CHMP4B: variants seen among roughly 807,000 people sequenced by gnomAD.
The protein encoded by CHMP4B is charged multivesicular body protein 4B, also known as SNF7 homolog associated with Alix 1.
CHMP4B carries 1 observed loss-of-function variant against 25.1 expected under a neutral mutation model. The observed-to-expected ratio is 0.04, with a 90% CI of 0.01 to 0.19. The LOEUF (loss-of-function observed/expected upper bound fraction) is 0.19. Among genes scored for constraint, CHMP4B ranks in the 10% least tolerant of loss-of-function variants. The probability of loss-of-function intolerance (pLI) is 1.00; values close to 1 mark genes in which losing one functional copy is unlikely to be tolerated. For synonymous variants in CHMP4B, 101 were observed against 115.6 expected (o/e 0.87, Z 0.81); for missense variants, 151 against 289.7 (o/e 0.52, Z 3.48).
intron 1 of CHMP4B, among the ~76,000 whole-genome samples, chr20:33,828,099 C>T (rs1338461267): frequency 6.6e-6 from 1 of 152,188 alleles, no homozygotes; most frequent in Non-Finnish European, 1.5e-5. Flanking sequence ...CCCTTTAAAA[C>T]CTCAAGTCTC....
intron 1 of CHMP4B, among the ~76,000 whole-genome samples, chr20:33,816,931 T>G (rs1978798508): frequency 6.6e-6 from 1 of 152,244 alleles, no homozygotes; most frequent in Admixed American, 6.5e-5. Flanking sequence ...AAGAGATATA[T>G]CTTCATTAAG....
chr20:33,850,360 T>C (rs1436796088), intron 2 of CHMP4B, among the ~76,000 whole-genome samples: 3 of 152,236 alleles, frequency 2.0e-5, no homozygotes, highest in Non-Finnish European at 4.4e-5. Flanking sequence ...ATTTCTGTGT[T>C]CTCCTGGAAA....
chr20:33,839,417 A>G (rs1427360807), intron 1 of CHMP4B, among the ~76,000 whole-genome samples: 1 of 152,208 alleles, frequency 6.6e-6, no homozygotes, highest in Non-Finnish European at 1.5e-5. Flanking sequence ...TTTAAAACAG[A>G]AAAAAAGCTC....
At chr20:33,834,959 C>T (rs572263124) in intron 1 of CHMP4B, among the ~76,000 whole-genome samples, 4 of 152,052 alleles carry the variant, frequency 2.6e-5, no homozygotes, top group African/African-American at 9.7e-5. Flanking sequence ...CACGCCACCA[C>T]GCCCAGCTAA....
At chr20:33,845,764 C>T (rs998475158) in intron 1 of CHMP4B, among the ~76,000 whole-genome samples, 4 of 152,164 alleles carry the variant, frequency 2.6e-5, no homozygotes, top group South Asian at 4.1e-4. Flanking sequence ...TAGAGTATGT[C>T]TAGGGTATGG....
Position 33,853,773 on chromosome 20 carries a change from G to GGGGGGGGGGGGGGGT in CHMP4B, c.*213_*214insGGGGGGGGGGGGGGT. The GGGGGGGGGGGGGGGT allele has an allele frequency of 7.9e-5, 2 of 25,270 alleles. 1 individual carries two copies. Among genetic ancestry groups the GGGGGGGGGGGGGGGT allele is most frequent in the Non-Finnish European group, 1.5e-4 (2 of 13,100 alleles). 1.6% of individuals were successfully genotyped at this position (25,270 alleles called of 1,614,324 possible). ...GGGGGGAGGGGGGCGGGCGGGGTGG[G>GGGGGGGGGGGGGGGT]AAGTGCCTGCTGTTTATAATGTTGA... On this transcript the variant is annotated 3_prime_UTR_variant, in exon 5 of 5. Coordinates refer to ENST00000217402, the MANE Select transcript of CHMP4B (RefSeq NM_176812.5).
intron 1 of CHMP4B, among the ~76,000 whole-genome samples, chr20:33,834,662 A>G (rs190688372): frequency 1.3e-4 from 20 of 151,808 alleles, no homozygotes; most frequent in African/African-American, 4.6e-4. Context: ...TTGTGTTTTT[A>G]TTTTCATTCA....
intron 1 of CHMP4B, among the ~76,000 whole-genome samples, chr20:33,836,234 G>T (rs1979388491): frequency 6.6e-6 from 1 of 152,156 alleles, no homozygotes; most frequent in Admixed American, 6.5e-5. Flanking sequence ...ATAAATGGTA[G>T]ATTTTGATTA....
At chr20:33,844,284 G>T (rs1182225103) in intron 1 of CHMP4B, among the ~76,000 whole-genome samples, 1 of 152,190 alleles carries the variant, frequency 6.6e-6, no homozygotes, top group East Asian at 1.9e-4. Flanking sequence ...ATAAAATATG[G>T]GTGGATCCCC....
chr20:33,854,077 C>T lies in CHMP4B; in HGVS notation c.*517C>T. 5.1e-6 allele frequency: 1 copy of T among 197,250 alleles called. No homozygotes were observed. Among genetic ancestry groups the T allele is most frequent in the East Asian group, 1.3e-4 (1 of 7,896 alleles). The allele number at this position is 197,250 out of a possible 1,614,324, so 12.2% of individuals were successfully genotyped here. A position where few individuals can be genotyped will look rare whatever the true frequency, so the allele number is the denominator to read the frequency against. On this transcript the variant is annotated 3_prime_UTR_variant, in exon 5 of 5. Coordinates refer to ENST00000217402, the MANE Select transcript of CHMP4B (RefSeq NM_176812.5). ...ATTTCCTCCAGAGCTGTGTTTCTGTCCATCACCTGTGTATTGGCCCTGTGT... is the reference window on the plus strand; with the variant it reads ...ATTTCCTCCAGAGCTGTGTTTCTGTTCATCACCTGTGTATTGGCCCTGTGT...
At chr20:33,851,164 A>T (rs1979836838) in intron 3 of CHMP4B, 98 bp downstream of exon 3, 1 of 808,062 alleles carries the variant, frequency 1.2e-6, no homozygotes, top group Admixed American at 1.8e-5. Context: ...GAGCATTTGG[A>T]CTTGGACAGA....
intron 1 of CHMP4B, among the ~76,000 whole-genome samples, chr20:33,840,966 A>T (rs1170955997): frequency 1.3e-5 from 2 of 152,150 alleles, no homozygotes; most frequent in African/African-American, 2.4e-5. Context: ...TCCCTAAATG[A>T]CCGTTGTAAC....
chr20:33,850,335 A>G (rs2122816855), intron 2 of CHMP4B, among the ~76,000 whole-genome samples: 1 of 152,320 alleles, frequency 6.6e-6, no homozygotes, highest in Non-Finnish European at 1.5e-5. Flanking sequence ...CTTGAATGAG[A>G]ACCATATATG....
intron 2 of CHMP4B, among the ~76,000 whole-genome samples, chr20:33,849,473 G>T (rs1441863281): frequency 6.6e-6 from 1 of 152,162 alleles, no homozygotes; most frequent in Non-Finnish European, 1.5e-5. Context: ...CGTGGCATGC[G>T]CCTGTAATCC....
Position 33,851,778 on chromosome 20 carries a change from C to T in CHMP4B, c.484-299C>T, listed in dbSNP as rs114631294. On this transcript the variant is annotated intron_variant, in intron 3 of 4. Coordinates refer to ENST00000217402, the MANE Select transcript of CHMP4B (RefSeq NM_176812.5). ...CAGCAAACATTTCTGAGCATTCACT[C>T]GTGTGCCCAGCTCTGAGCCAAATAA... is the stretch of plus-strand genomic sequence containing the variant. Among the ~76,000 whole-genome samples, 351 of 152,254 alleles carry T rather than the reference C, an allele frequency of 2.3e-3. 3 individuals are homozygous for T. Among genetic ancestry groups the T allele is most frequent in the African/African-American group, 8.2e-3 (342 of 41,540 alleles).
chr20:33,853,307 T>C (rs79406714), intron 4 of CHMP4B, among the ~76,000 whole-genome samples, 189 bp from the exon 5 acceptor site: 193 of 152,238 alleles, frequency 1.3e-3, no homozygotes, highest in African/African-American at 4.3e-3. Context: ...CAAACTGTGC[T>C]TGGTTTTCCA....
chr20:33,838,030 C>G (rs1377987351), intron 1 of CHMP4B, among the ~76,000 whole-genome samples: 1 of 152,190 alleles, frequency 6.6e-6, no homozygotes, highest in Non-Finnish European at 1.5e-5. Context: ...CAGTGACATA[C>G]TTTAGTCATG....
At chr20:33,849,508 GA>G (rs1357698898) in intron 2 of CHMP4B, among the ~76,000 whole-genome samples, 1 of 152,168 alleles carries the variant, frequency 6.6e-6, no homozygotes, top group East Asian at 1.9e-4. Flanking sequence ...TGAGGCAGGA[GA>G]ATCGTTTGAA....
intron 2 of CHMP4B, among the ~76,000 whole-genome samples, chr20:33,850,236 T>A (rs916953170): frequency 4.6e-5 from 7 of 152,224 alleles, no homozygotes; most frequent in Non-Finnish European, 1.0e-4. Context: ...AGCTTGCTGA[T>A]GTTGCTCTAG....
Sources: gnomAD v4.1 joint callset for allele counts (sites outside exome capture counted in the v4.1 genomes callset) on GRCh38, gnomAD v4.1.1 for gene constraint, MANE v1.5 for transcripts, NCBI Gene and HGNC (gene_info 2026-07-23, HGNC 2026-07-21) for gene names.